NLN: variants seen among roughly 807,000 people sequenced by gnomAD.
NLN encodes the protein neurolysin.
NLN carries 64 observed loss-of-function variants against 79.9 expected under a neutral mutation model. The observed-to-expected ratio is 0.80, with a 90% CI of 0.65 to 0.99. The LOEUF (loss-of-function observed/expected upper bound fraction) is 0.99, where lower values mean the gene tolerates loss of function less well. Ranked by LOEUF, NLN falls within the 50% of genes least tolerant of loss-of-function variation. The pLI, the probability that NLN is intolerant of heterozygous loss-of-function variation, is 0.00. For synonymous variants in NLN, 267 were observed against 296.6 expected (o/e 0.90, Z 1.02); for missense variants, 835 against 858.7 (o/e 0.97, Z 0.34).
In NLN at chr5:65,812,303, G is replaced by A; in HGVS notation, c.1892G>A (p.Gly631Asp). Reference protein sequence around the residue: ...TFGHLAGGYDGQYYGYLWSEV... With the variant: ...TFGHLAGGYDDQYYGYLWSEV... The stretch of plus-strand genomic sequence containing the variant: ...GGACATTTGGCAGGGGGATACGATG[G>A]CCAATATTATGGATATCTTTGGAGT... The change falls in exon 12 of 13, where the codon GGC (glycine) becomes GAC (aspartate). Residue 631 changes from glycine (G) to aspartate (D), a missense_variant. Physicochemically the swap from Gly to Asp is moderately conservative, Grantham distance 94 (BLOSUM62 -1). Transcript: ENST00000380985. 2 of 1,609,886 alleles carry A rather than the reference G, an allele frequency of 1.2e-6. No individual in the cohort carries two copies. The highest frequency in any genetic ancestry group is 1.7e-6 in the Non-Finnish European group (2 of 1,176,214).
intron 9 of NLN, among the ~76,000 whole-genome samples, chr5:65,803,986 A>T (rs1760351236): frequency 6.6e-6 from 1 of 152,188 alleles, no homozygotes; most frequent in Admixed American, 6.5e-5. Context: ...TTCATGTTTG[A>T]TCTTTGAAAA....
intron 3 of NLN, among the ~76,000 whole-genome samples, chr5:65,770,922 A>G (rs536839373): frequency 6.6e-6 from 1 of 152,358 alleles, no homozygotes; most frequent in African/African-American, 2.4e-5. Context: ...CTCGAAAAGA[A>G]GCAAAACTAT....
At chr5:65,783,169 G>A (rs1759835325) in intron 6 of NLN, among the ~76,000 whole-genome samples, 1 of 152,158 alleles carries the variant, frequency 6.6e-6, no homozygotes. Context: ...AGGAGTTAAT[G>A]GTTACAGAGT....
chr5:65,777,302 C>T (rs1561197163), intron 3 of NLN, 125 bp from the exon 4 acceptor site: 1 of 687,354 alleles, frequency 1.5e-6, no homozygotes. Flanking sequence ...TAGGGCCTGC[C>T]TCGTAATCAC....
intron 1 of NLN, among the ~76,000 whole-genome samples, chr5:65,728,047 C>T (rs909576812): frequency 1.3e-5 from 2 of 152,074 alleles, no homozygotes; most frequent in African/African-American, 4.8e-5. Context: ...GGATTATAGG[C>T]GTGAGCCACT....
intron 1 of NLN, chr5:65,733,263 G>C (rs559115717): frequency 2.6e-6 from 4 of 1,519,098 alleles, no homozygotes; most frequent in African/African-American, 1.5e-5. Context: ...AGCTCTGCTA[G>C]AGAAAGTTGC....
intron 12 of NLN, among the ~76,000 whole-genome samples, chr5:65,821,417 T>C (rs1053854831): frequency 1.3e-5 from 2 of 152,124 alleles, no homozygotes; most frequent in African/African-American, 4.8e-5. Context: ...ACCATAAGTA[T>C]AAAAAACACG....
chr5:65,796,362 AG>A (rs1760173634), intron 9 of NLN, among the ~76,000 whole-genome samples: 1 of 152,100 alleles, frequency 6.6e-6, no homozygotes, highest in Admixed American at 6.5e-5. Context: ...TAGTCACTTT[AG>A]TACTAGAAAG....
intron 1 of NLN, among the ~76,000 whole-genome samples, chr5:65,750,481 G>A (rs933803357): frequency 3.3e-5 from 5 of 152,238 alleles, no homozygotes; most frequent in Admixed American, 6.5e-5. Context: ...CACTTTGGGA[G>A]GCCAAAGCGG....
intron 1 of NLN, among the ~76,000 whole-genome samples, chr5:65,741,888 C>T (rs1758876331): frequency 6.6e-6 from 1 of 152,116 alleles, no homozygotes. Context: ...AACCTATAAT[C>T]ATTAAGTTAG....
chr5:65,790,137 CT>C (rs1452969839), intron 8 of NLN, among the ~76,000 whole-genome samples: 1 of 152,186 alleles, frequency 6.6e-6, no homozygotes, highest in Non-Finnish European at 1.5e-5. Context: ...CCCCAGGCTA[CT>C]TTCTAAAGCA....
Position 65,809,630 on chromosome 5 carries a change from A to G in NLN, c.1643A>G (p.His548Arg), listed in dbSNP as rs1760498615. ...GATTCCCTCCGAAGATTGTCAAAAC[A>G]TTATAAAGATGGAAGCCCTATTGCA... ...DVDSLRRLSK[H>R]YKDGSPIADD... Residue 548 changes from histidine to arginine, a missense_variant, in exon 10 of 13, where the codon CAT becomes CGT. By Grantham distance (29) the His-to-Arg change is conservative. Transcript: ENST00000380985. 6 of 1,613,968 alleles carry G rather than the reference A, an allele frequency of 3.7e-6. No homozygotes were observed. The South Asian group carries it at 6.6e-5, about 18-fold the overall frequency.
rs147931332 is a variant in NLN, at chr5:65,745,117, C to G, written c.42-13450C>G. Among the ~76,000 whole-genome samples the G allele has an allele frequency of 1.4e-4, 21 of 152,226 alleles. No individual in the cohort carries two copies. In the East Asian group the frequency reaches 3.3e-3, roughly 24 times the overall value. On this transcript the variant is annotated intron_variant, in intron 1 of 12. Coordinates refer to ENST00000380985, the MANE Select transcript of NLN (RefSeq NM_020726.5). ...GGTTTTACTCTTTGAGAACAGGTGA[C>G]TAAAAAGCTGCCCAAGTCTATGTGA...
chr5:65,787,974 T>G lies in NLN; in HGVS notation c.959-144T>G, dbSNP rs976586954. The G allele has an allele frequency of 4.0e-6, 3 of 751,860 alleles. No homozygotes were observed. In the African/African-American group the frequency reaches 5.3e-5, roughly 13 times the overall value. 46.6% of individuals were successfully genotyped at this position (751,860 alleles called of 1,614,324 possible). Reference sequence around the variant, plus strand: ...AGCCTGCTTTCCTCCCTCACGTTTTTCCTCCTCCTTTACCTCTTTCCGCCT... The same window carrying G: ...AGCCTGCTTTCCTCCCTCACGTTTTGCCTCCTCCTTTACCTCTTTCCGCCT... On this transcript the variant is annotated intron_variant, in intron 7 of 12. Transcript: ENST00000380985.
intron 1 of NLN, among the ~76,000 whole-genome samples, chr5:65,752,939 G>A (rs1317908749): frequency 6.6e-6 from 1 of 152,094 alleles, no homozygotes; most frequent in Non-Finnish European, 1.5e-5. Flanking sequence ...ATGATTTCTA[G>A]CTTTTGTTTC....
At chr5:65,809,307 CT>C in intron 9 of NLN, 1 of 441,004 alleles carries the variant, frequency 2.3e-6, no homozygotes, top group Non-Finnish European at 4.0e-6. Flanking sequence ...GAAATTACTA[CT>C]GTAATATAGA....
chr5:65,791,553 G>A (rs140049527), intron 8 of NLN, among the ~76,000 whole-genome samples: 2,769 of 152,108 alleles, frequency 0.018, 80 homozygotes, highest in African/African-American at 0.062. Context: ...GCAAGACTCC[G>A]TCTCAAAACA....
At chr5:65,794,391 G>A (rs914022740) in intron 9 of NLN, among the ~76,000 whole-genome samples, 4 of 152,126 alleles carry the variant, frequency 2.6e-5, no homozygotes, top group African/African-American at 4.8e-5. Flanking sequence ...GCGGCAGATC[G>A]CCTGAGCTCA....
chr5:65,804,584 C>T lies in NLN; in HGVS notation c.1528-4931C>T, dbSNP rs551481295. Among the ~76,000 whole-genome samples the T allele has an allele frequency of 2.6e-5, 4 of 152,056 alleles. No individual in the cohort carries two copies. The South Asian group carries it at 8.3e-4, about 32-fold the overall frequency. On this transcript the variant is annotated intron_variant, in intron 9 of 12. Transcript: ENST00000380985. Reference sequence around the variant, plus strand: ...ACACCCTGTTGCTCAGGTTGGAGTCCAGTGGTGCAGTCTCAGCTCACTGCA... The same window carrying T: ...ACACCCTGTTGCTCAGGTTGGAGTCTAGTGGTGCAGTCTCAGCTCACTGCA...
Sources: gnomAD v4.1 joint callset for allele counts (sites outside exome capture counted in the v4.1 genomes callset) on GRCh38, gnomAD v4.1.1 for gene constraint, MANE v1.5 for transcripts, NCBI Gene and HGNC (gene_info 2026-07-23, HGNC 2026-07-21) for gene names.